Variants in MAP4K3 observed in about 807,000 individuals in gnomAD.
MAP4K3 encodes MAPK/ERK kinase kinase kinase 3.
In MAP4K3, 94 loss-of-function variants were observed where a neutral mutation model predicts 143.5. The ratio of observed to expected loss-of-function variants is 0.65; its 90% confidence interval spans 0.55 to 0.78. The LOEUF (loss-of-function observed/expected upper bound fraction) is 0.78, where lower values mean the gene tolerates loss of function less well. MAP4K3 is among the 30% of genes least tolerant of loss of function. The probability of loss-of-function intolerance (pLI) is 0.00; values close to 1 mark genes in which losing one functional copy is unlikely to be tolerated. For synonymous variants in MAP4K3, 416 were observed against 347.2 expected (o/e 1.20, Z -2.20); for missense variants, 1,077 against 1,068.1 (o/e 1.01, Z -0.12).
chr2:39,337,033 T>A, intron 5 of MAP4K3, 66 bp from the exon 6 acceptor site: 1 of 736,856 alleles, frequency 1.4e-6, no homozygotes, highest in Non-Finnish European at 2.3e-6. Context: ...GGATTTTATG[T>A]AATCAAATGG....
intron 24 of MAP4K3, among the ~76,000 whole-genome samples, chr2:39,277,522 T>C (rs1681320014): frequency 6.6e-6 from 1 of 152,174 alleles, no homozygotes; most frequent in Non-Finnish European, 1.5e-5. Flanking sequence ...TATGGACTAG[T>C]CCTGTTAACC....
At chr2:39,298,804 A>T (rs960270324) in intron 16 of MAP4K3, among the ~76,000 whole-genome samples, 1 of 152,080 alleles carries the variant, frequency 6.6e-6, no homozygotes. Context: ...AGTCTCTACA[A>T]AAATACAAAA....
intron 12 of MAP4K3, among the ~76,000 whole-genome samples, chr2:39,324,984 A>AT (rs1286514357): frequency 1.3e-5 from 2 of 151,772 alleles, no homozygotes; most frequent in African/African-American, 2.4e-5. Context: ...TTATATAAGA[A>AT]TTTTTTTTTA....
intron 19 of MAP4K3, 60 bp from the exon 20 acceptor site, chr2:39,288,340 G>A: frequency 6.8e-7 from 1 of 1,464,744 alleles, no homozygotes; most frequent in Admixed American, 1.7e-5. Flanking sequence ...CCTGAAGTAA[G>A]TACTATTATA....
intron 1 of MAP4K3, among the ~76,000 whole-genome samples, chr2:39,421,434 T>C (rs1368689338): frequency 6.9e-6 from 1 of 144,752 alleles, no homozygotes; most frequent in Non-Finnish European, 1.5e-5. Flanking sequence ...TGGTCTTGAA[T>C]TCCTGGTTTC....
chr2:39,291,157 T>C (rs1351579565), intron 18 of MAP4K3, among the ~76,000 whole-genome samples: 2 of 152,220 alleles, frequency 1.3e-5, no homozygotes, highest in Non-Finnish European at 2.9e-5. Flanking sequence ...AAAGAAATGA[T>C]AAATGTTTGA....
At chr2:39,320,714 C>G (rs1330244258) in intron 12 of MAP4K3, among the ~76,000 whole-genome samples, 1 of 152,146 alleles carries the variant, frequency 6.6e-6, no homozygotes, top group East Asian at 1.9e-4. Context: ...ATTCAAAAAA[C>G]TTTTGCAGCT....
At chr2:39,435,621 C>T (rs995190867) in intron 1 of MAP4K3, among the ~76,000 whole-genome samples, 1 of 152,182 alleles carries the variant, frequency 6.6e-6, no homozygotes, top group African/African-American at 2.4e-5. Flanking sequence ...CAAAATTAAA[C>T]GGCAATAATT....
intron 1 of MAP4K3, among the ~76,000 whole-genome samples, chr2:39,385,716 G>A (rs1377687140): frequency 4.0e-5 from 6 of 149,404 alleles, no homozygotes; most frequent in African/African-American, 1.2e-4. Flanking sequence ...TGCAACCTCC[G>A]CCTCCCGGGT....
At position 39,302,004 on chromosome 2, in the gene MAP4K3, C is replaced by A. The variant is rs951602023; in HGVS notation, c.1120-2203G>T. The stretch of plus-strand genomic sequence containing the variant: ...GCGCCACTACACTCCAGCTTGGCGA[C>A]AGAGAGAGACTCTGTCTCAAAAAAT... On this transcript the variant is annotated intron_variant, in intron 15 of 33. Transcript: ENST00000263881. Among the ~76,000 whole-genome samples the A allele has an allele frequency of 5.3e-5, 8 of 150,638 alleles. No homozygotes were observed. In the East Asian group the frequency reaches 7.8e-4, roughly 15 times the overall value.
chr2:39,263,272 G>GTTTT (rs869070441), intron 28 of MAP4K3, among the ~76,000 whole-genome samples: 4 of 136,218 alleles, frequency 2.9e-5, no homozygotes, highest in Admixed American at 7.4e-5. Flanking sequence ...ACATATAGAA[G>GTTTT]TTTTTTTTTT....
intron 13 of MAP4K3, among the ~76,000 whole-genome samples, chr2:39,311,265 G>C (rs1161126306): frequency 6.6e-6 from 1 of 152,174 alleles, no homozygotes; most frequent in African/African-American, 2.4e-5. Flanking sequence ...TTTTAGTAGA[G>C]ATGGGCTTTC....
At chr2:39,334,329 G>A (rs886570241) in intron 6 of MAP4K3, among the ~76,000 whole-genome samples, 2 of 152,010 alleles carry the variant, frequency 1.3e-5, no homozygotes, top group Non-Finnish European at 2.9e-5. Context: ...TTGGTCCAAG[G>A]TGCCATCAAT....
At position 39,333,542 on chromosome 2, in the gene MAP4K3, A is replaced by G; in HGVS notation, c.447T>C (p.His149=). The G allele has an allele frequency of 1.1e-5, 18 of 1,606,800 alleles. No individual in the cohort carries two copies. The highest frequency in any genetic ancestry group is 1.5e-5 in the Non-Finnish European group (18 of 1,174,014). Residue 149 remains histidine, a synonymous_variant, in exon 7 of 34, where the codon CAT becomes CAC. Transcript: ENST00000263881. ...TTCCAATTTACTTACCCAATTTCAC[A>G]TGACCATTATCCGTTAATAGAATGT... ...GANILLTDNG[H]VKLADFGVSA...
At position 39,308,045 on chromosome 2, in the gene MAP4K3, T is replaced by TA; in HGVS notation, c.1057-41dup. The TA allele has an allele frequency of 2.1e-6, 3 of 1,440,756 alleles. No homozygotes were observed. The South Asian group carries it at 3.9e-5, about 19-fold the overall frequency. The allele number at this position is 1,440,756 out of a possible 1,614,324, so 89.2% of individuals were successfully genotyped here. ...CCAAGAAACCCAAGTTATTTACGCT[T>TA]AGACTAAAAGCCACAAATTCACAAA... On this transcript the variant is annotated intron_variant, in intron 14 of 33. Coordinates refer to ENST00000263881, the MANE Select transcript of MAP4K3 (RefSeq NM_003618.4).
At chr2:39,344,045 A>C (rs766586846) in intron 3 of MAP4K3, among the ~76,000 whole-genome samples, 1 of 152,310 alleles carries the variant, frequency 6.6e-6, no homozygotes, top group South Asian at 2.1e-4. Flanking sequence ...AATCTCTTAA[A>C]AATGTACCAG....
intron 4 of MAP4K3, 65 bp from the exon 5 acceptor site, chr2:39,337,646 GT>G: frequency 4.0e-6 from 4 of 994,164 alleles, no homozygotes; most frequent in Non-Finnish European, 6.1e-6. Flanking sequence ...ATATAATAAA[GT>G]TTTACAAGTT....
At chr2:39,378,804 T>C (rs141296069) in intron 1 of MAP4K3, among the ~76,000 whole-genome samples, 38 of 152,026 alleles carry the variant, frequency 2.5e-4, no homozygotes, top group Admixed American at 2.5e-3. Flanking sequence ...AATCAAATTA[T>C]AGATTCCTGG....
intron 1 of MAP4K3, among the ~76,000 whole-genome samples, chr2:39,379,281 C>G (rs1666300936): frequency 6.6e-6 from 1 of 152,068 alleles, no homozygotes; most frequent in Non-Finnish European, 1.5e-5. Context: ...CCATTTAACT[C>G]TAAGAAGAAC....
Sources: gnomAD v4.1 joint callset for allele counts (sites outside exome capture counted in the v4.1 genomes callset) on GRCh38, gnomAD v4.1.1 for gene constraint, MANE v1.5 for transcripts, NCBI Gene and HGNC (gene_info 2026-07-23, HGNC 2026-07-21) for gene names.